The following KCNN1 variants were observed in gnomAD, a reference collection of about 807,000 sequenced individuals.
The protein encoded by KCNN1 is small conductance calcium-activated potassium channel protein 1.
KCNN1 carries 20 observed loss-of-function variants against 44.7 expected under a neutral mutation model. The observed-to-expected ratio is 0.45, with a 90% confidence interval of 0.32 to 0.65. The LOEUF is 0.65. KCNN1 is among the 30% of genes least tolerant of loss of function. KCNN1 has a pLI of 0.05. For missense variants in KCNN1, 632 were observed against 785.3 expected (o/e 0.80, Z 2.33); for synonymous variants, 324 against 341.7 (o/e 0.95, Z 0.57).
Position 17,999,597 on chromosome 19 carries a change from C to G in KCNN1, c.*1191C>G, listed in dbSNP as rs1470488205. 6 of 181,054 alleles carry G rather than the reference C, an allele frequency of 3.3e-5. No homozygotes were observed. Among genetic ancestry groups the G allele is most frequent in the Admixed American group, 1.1e-4 (2 of 17,854 alleles). 11.2% of individuals were successfully genotyped at this position (181,054 alleles called of 1,614,324 possible). A position where few individuals can be genotyped will look rare whatever the true frequency, so the allele number is the denominator to read the frequency against. On this transcript the variant is annotated 3_prime_UTR_variant, in exon 10 of 10. Transcript: ENST00000684775. ...GTGACATCCAGGGGTCAGAGAGACC[C>G]TTCAGGGGTGGGCTACAGGGGAGGG...
intron 3 of KCNN1, among the ~76,000 whole-genome samples, chr19:17,978,335 C>G (rs2032277979): frequency 6.6e-6 from 1 of 150,898 alleles, no homozygotes; most frequent in Non-Finnish European, 1.5e-5. Context: ...CCATGTTGGC[C>G]AGGCTGGTCT....
At position 17,994,791 on chromosome 19, in the gene KCNN1, C is replaced by A. The variant is rs559869987; in HGVS notation, c.1377+1232C>A. ...ACTCCTGACCTTAAGTGATCCACCCCCCTCAGCCTCCCAAAGTGTTGGGAT... is the reference window on the plus strand; with the variant it reads ...ACTCCTGACCTTAAGTGATCCACCCACCTCAGCCTCCCAAAGTGTTGGGAT... On this transcript the variant is annotated intron_variant, in intron 9 of 9. Coordinates refer to ENST00000684775, the MANE Select transcript of KCNN1 (RefSeq NM_001386974.1). 1.8e-4 allele frequency among the ~76,000 whole-genome samples: 28 copies of A among 152,264 alleles called. No homozygotes were observed. In the South Asian group the frequency reaches 5.8e-3, roughly 32 times the overall value.
At position 17,999,833 on chromosome 19, in the gene KCNN1, C is replaced by T. The variant is rs763104973; in HGVS notation, c.*1427C>T. 1.1e-5 allele frequency: 4 copies of T among 372,648 alleles called. No homozygotes were observed. The highest frequency in any genetic ancestry group is 6.3e-5 in the African/African-American group (3 of 47,514). 23.1% of individuals were successfully genotyped at this position (372,648 alleles called of 1,614,324 possible). ...GCCTGGCTCAACGAGATAACTAGGC[C>T]GTGGCTGGTGCATGAATGACCAGCT... On this transcript the variant is annotated 3_prime_UTR_variant, in exon 10 of 10. Transcript: ENST00000684775.
At position 17,974,090 on chromosome 19, in the gene KCNN1, G is replaced by A. The variant is rs187534285; in HGVS notation, c.202G>A (p.Asp68Asn). 33 of 1,611,836 alleles carry A rather than the reference G, an allele frequency of 2.0e-5. No individual in the cohort carries two copies. The East Asian group carries it at 5.6e-4, about 27-fold the overall frequency. Residue 68 changes from aspartate to asparagine, a missense_variant, in exon 2 of 10, where the codon GAT becomes AAT. By Grantham distance (23) the Asp-to-Asn change is conservative (BLOSUM62 1). Coordinates refer to ENST00000684775, the MANE Select transcript of KCNN1 (RefSeq NM_001386974.1). This position sits in a 1 kb window ranked among gnomAD's most constrained non-coding sequence, Gnocchi z 7.3. ...CCGGGGGCAGCCCCAGGACCAGGACGATGACGAGGATGATGAGGAAGATGA... is the reference window on the plus strand; with the variant it reads ...CCGGGGGCAGCCCCAGGACCAGGACAATGACGAGGATGATGAGGAAGATGA... ...SPRGQPQDQD[D>N]DEDDEEDEAG...
intron 4 of KCNN1, among the ~76,000 whole-genome samples, 173 bp from the exon 5 acceptor site, chr19:17,985,139 G>T (rs890805651): frequency 6.6e-6 from 1 of 152,114 alleles, no homozygotes; most frequent in Non-Finnish European, 1.5e-5. Context: ...AGGGAATGTG[G>T]AAGGGCTGTA....
chr19:17,967,178 C>T lies in KCNN1; in HGVS notation c.-221C>T. 2.1e-6 allele frequency: 2 copies of T among 949,268 alleles called. No individual in the cohort carries two copies. Among genetic ancestry groups the T allele is most frequent in the East Asian group, 1.2e-4 (1 of 8,536 alleles). 58.8% of individuals were successfully genotyped at this position (949,268 alleles called of 1,614,324 possible). On this transcript the variant is annotated 5_prime_UTR_variant, in exon 1 of 10. Coordinates refer to ENST00000684775, the MANE Select transcript of KCNN1 (RefSeq NM_001386974.1). ...CGCCTGCCGCCGCCGCCCCCGGCCC[C>T]GCCGCCCCCGGGCCCCGCGCCCGCT... is the stretch of plus-strand genomic sequence containing the variant.
intron 2 of KCNN1, among the ~76,000 whole-genome samples, chr19:17,962,055 G>A (rs1428420205): frequency 1.3e-5 from 2 of 152,168 alleles, no homozygotes; most frequent in South Asian, 2.1e-4. Flanking sequence ...GTTCCCTGGA[G>A]CAAATTTATG....
At chr19:17,958,998 C>T (rs1381791666) in intron 2 of KCNN1, among the ~76,000 whole-genome samples, 1 of 138,830 alleles carries the variant, frequency 7.2e-6, no homozygotes, top group African/African-American at 2.9e-5. Flanking sequence ...CCACGTCCAG[C>T]CCTATTTATT....
At chr19:17,989,566 T>C in intron 6 of KCNN1, 150 bp from the exon 7 acceptor site, 1 of 1,091,314 alleles carries the variant, frequency 9.2e-7, no homozygotes, top group South Asian at 1.3e-5. Context: ...GCACAGATGT[T>C]GTTGTACAAG....
At chr19:17,992,646 C>T (rs1448211731) in intron 7 of KCNN1, among the ~76,000 whole-genome samples, 1 of 152,134 alleles carries the variant, frequency 6.6e-6, no homozygotes, top group East Asian at 1.9e-4. Context: ...CATACACTAA[C>T]CAACTCCCCC....
chr19:17,963,797 C>T (rs528174520), upstream of KCNN1, among the ~76,000 whole-genome samples: 1 of 151,398 alleles, frequency 6.6e-6, no homozygotes, highest in Admixed American at 6.6e-5. Flanking sequence ...ATGATCACAG[C>T]TCACTGTGGT....
chr19:17,989,550 C>T (rs576130561), intron 6 of KCNN1, among the ~76,000 whole-genome samples, 166 bp from the exon 7 acceptor site: 1 of 152,326 alleles, frequency 6.6e-6, no homozygotes, highest in East Asian at 1.9e-4. Context: ...TAGGTATACA[C>T]ACACTGCACA....
rs139173710 is a variant in KCNN1, at chr19:17,956,509, A to T, written c.-82+1828A>T. Among the ~76,000 whole-genome samples, 691 of 151,746 alleles carry T rather than the reference A, an allele frequency of 4.6e-3. 4 individuals carry two copies. Among genetic ancestry groups the T allele is most frequent in the African/African-American group, 0.016 (671 of 41,408 alleles). Reference sequence around the variant, plus strand: ...TGTGATCCCAGAACTTTGGGAGGCCAAGACAGGAGGATCACTTGAGCTCAG... The same window carrying T: ...TGTGATCCCAGAACTTTGGGAGGCCTAGACAGGAGGATCACTTGAGCTCAG... On this transcript the variant is annotated intron_variant, in intron 2 of 10. Transcript: ENST00000222249.
At chr19:17,990,930 A>AG (rs1237784142) in intron 7 of KCNN1, among the ~76,000 whole-genome samples, 1 of 152,172 alleles carries the variant, frequency 6.6e-6, no homozygotes, top group African/African-American at 2.4e-5. Flanking sequence ...TGAAGTCACC[A>AG]GGGGGCTTTT....
chr19:17,964,039 G>A (rs761814318), upstream of KCNN1, among the ~76,000 whole-genome samples: 6 of 152,168 alleles, frequency 3.9e-5, no homozygotes, highest in African/African-American at 9.7e-5. This position sits in a 1 kb window ranked among gnomAD's most constrained non-coding sequence, Gnocchi z 4.3. Context: ...AGAGGGGCAC[G>A]GTTTGTATCT....
chr19:17,983,892 T>C lies in KCNN1; in HGVS notation c.918-1420T>C, dbSNP rs2032507357. ...GGGTCAGTCAGCTGGGCACCGTGGC[T>C]CATGCCTGTAATCCCAGCACTTTGG... On this transcript the variant is annotated intron_variant, in intron 4 of 9. Coordinates refer to ENST00000684775, the MANE Select transcript of KCNN1 (RefSeq NM_001386974.1). This position sits in a 1 kb window ranked among gnomAD's most constrained non-coding sequence, Gnocchi z 4.5. 6.6e-6 allele frequency among the ~76,000 whole-genome samples: 1 copy of C among 151,920 alleles called. No homozygotes were observed. Among genetic ancestry groups the C allele is most frequent in the African/African-American group, 2.4e-5 (1 of 41,326 alleles).
At chr19:17,990,969 CA>C (rs1253262622) in intron 7 of KCNN1, among the ~76,000 whole-genome samples, 2 of 152,112 alleles carry the variant, frequency 1.3e-5, no homozygotes, top group African/African-American at 4.8e-5. Context: ...CATCCAACAT[CA>C]GTTACTTAGT....
chr19:17,955,147 G>A (rs1456949815), intron 2 of KCNN1, among the ~76,000 whole-genome samples: 1 of 144,336 alleles, frequency 6.9e-6, no homozygotes, highest in African/African-American at 2.5e-5. Context: ...GAAGGCTAAG[G>A]TGGGAGTATC....
At chr19:17,962,237 T>C (rs1265888218), upstream of KCNN1, among the ~76,000 whole-genome samples, 3 of 152,144 alleles carry the variant, frequency 2.0e-5, no homozygotes, top group East Asian at 1.9e-4. Context: ...TGGATGCTTT[T>C]TGGGGACTCC....
Sources: gnomAD v4.1 joint callset for allele counts (sites outside exome capture counted in the v4.1 genomes callset) on GRCh38, gnomAD v4.1.1 for gene constraint, Gnocchi (gnomAD v3.1) non-coding constraint, MANE v1.5 for transcripts, NCBI Gene and HGNC (gene_info 2026-07-23, HGNC 2026-07-21) for gene names.